Variants in DPF2 observed in about 807,000 individuals in gnomAD.
DPF2 encodes double PHD fingers 2, also known as zinc finger protein ubi-d4.
A neutral mutation model predicts 59.6 loss-of-function variants in DPF2; 10 were observed. The observed-to-expected ratio is 0.17, with a 90% CI of 0.10 to 0.28. The LOEUF is 0.28. Ranked by LOEUF, DPF2 falls within the 10% of genes least tolerant of loss-of-function variation. DPF2 has a pLI of 1.00. For synonymous variants in DPF2, 189 were observed against 190.6 expected (o/e 0.99, Z 0.07); for missense variants, 315 against 509.4 (o/e 0.62, Z 3.67).
chr11:65,334,201 C>G (rs889746239), intron 1 of DPF2, among the ~76,000 whole-genome samples: 1 of 152,194 alleles, frequency 6.6e-6, no homozygotes, highest in Non-Finnish European at 1.5e-5. Context: ...CAGAGCATGG[C>G]GCCCTGCCTG....
intron 10 of DPF2, 103 bp from the exon 11 acceptor site, chr11:65,351,580 T>G: frequency 1.0e-6 from 1 of 987,958 alleles, no homozygotes; most frequent in South Asian, 1.4e-5. Flanking sequence ...TCGTCCTACC[T>G]GTAGCTGATC....
chr11:65,341,068 A>G lies in DPF2; in HGVS notation c.296A>G (p.Lys99Arg). ...CCACGACTTTCCTTCCCATCTATTA[A>G]GCCAGGTAAGGCACATACTTCCTGA... ...EDPRLSFPSIKPDTDQTLKKE... is the reference protein window; with the variant it reads ...EDPRLSFPSIRPDTDQTLKKE... The change falls in exon 3 of 11, where the codon AAG becomes AGG. Residue 99 changes from lysine to arginine, a missense_variant. By Grantham distance (26) the Lys-to-Arg change is conservative. Coordinates refer to ENST00000528416, the MANE Select transcript of DPF2 (RefSeq NM_006268.5). 1 of 1,614,008 alleles carries G rather than the reference A, an allele frequency of 6.2e-7. No individual in the cohort carries two copies. Among genetic ancestry groups the G allele is most frequent in the Non-Finnish European group, 8.5e-7 (1 of 1,180,022 alleles).
chr11:65,345,848 G>C, intron 7 of DPF2, 45 bp downstream of exon 7: 7 of 1,613,486 alleles, frequency 4.3e-6, no homozygotes, highest in Non-Finnish European at 5.1e-6. Flanking sequence ...AAGTTGGCCT[G>C]GTTATGAAAA....
chr11:65,346,419 C>G, intron 9 of DPF2, 60 bp downstream of exon 9: 1 of 1,469,308 alleles, frequency 6.8e-7, no homozygotes, highest in South Asian at 1.2e-5. Flanking sequence ...GCTGTTTGCA[C>G]AGTTCCCTCT....
intron 7 of DPF2, 49 bp from the exon 8 acceptor site, chr11:65,345,881 G>C: frequency 1.2e-6 from 2 of 1,613,526 alleles, no homozygotes; most frequent in Non-Finnish European, 1.7e-6. Context: ...TGGGTGTTGA[G>C]TGGCTCAGGG....
intron 1 of DPF2, among the ~76,000 whole-genome samples, chr11:65,340,143 G>A (rs1854318372): frequency 6.6e-6 from 1 of 152,180 alleles, no homozygotes; most frequent in African/African-American, 2.4e-5. Flanking sequence ...ACTTAAGTCT[G>A]ATTAGACATA....
chr11:65,351,581 G>A, intron 10 of DPF2, 102 bp from the exon 11 acceptor site: 2 of 998,046 alleles, frequency 2.0e-6, no homozygotes, highest in South Asian at 2.7e-5. Flanking sequence ...CGTCCTACCT[G>A]TAGCTGATCC....
intron 10 of DPF2, among the ~76,000 whole-genome samples, chr11:65,351,166 T>A (rs1226263249): frequency 1.3e-5 from 2 of 152,166 alleles, no homozygotes; most frequent in Admixed American, 6.5e-5. Flanking sequence ...AGCCCTAGAA[T>A]AATGTCCAAA....
chr11:65,335,488 G>A (rs772792437), intron 1 of DPF2, among the ~76,000 whole-genome samples: 44 of 152,190 alleles, frequency 2.9e-4, no homozygotes, highest in Non-Finnish European at 5.1e-4. Context: ...TTCAAGTTGT[G>A]TCATAAGTGA....
Position 65,343,853 on chromosome 11 carries a change from G to A in DPF2, c.558+16G>A, listed in dbSNP as rs1377232114. On this transcript the variant is annotated intron_variant, in intron 5 of 10. Coordinates refer to ENST00000528416, the MANE Select transcript of DPF2 (RefSeq NM_006268.5). ...GAAATCCAAGGTGAGGGGCCAGCGT[G>A]CTGCCTGCATCTTGGGACAGGGTGG... The A allele has an allele frequency of 6.3e-7, 1 of 1,582,916 alleles. No homozygotes were observed. The highest frequency in any genetic ancestry group is 1.1e-5 in the South Asian group (1 of 87,608).
At chr11:65,343,015 C>T (rs1002668801) in intron 4 of DPF2, among the ~76,000 whole-genome samples, 6 of 148,884 alleles carry the variant, frequency 4.0e-5, no homozygotes, top group Non-Finnish European at 7.4e-5. Context: ...AAAAACTTCC[C>T]ATGGCCGGCC....
At chr11:65,350,705 T>C (rs1453658233) in intron 10 of DPF2, among the ~76,000 whole-genome samples, 2 of 150,642 alleles carry the variant, frequency 1.3e-5, no homozygotes, top group African/African-American at 4.9e-5. Flanking sequence ...CTTAAAAATA[T>C]AAAAACTGGC....
intron 1 of DPF2, among the ~76,000 whole-genome samples, chr11:65,336,523 G>T (rs1054840968): frequency 1.3e-5 from 2 of 151,966 alleles, no homozygotes; most frequent in South Asian, 4.2e-4. Context: ...TGGGCGCGGT[G>T]GCTCATGCCT....
At chr11:65,347,278 T>C (rs1854563276) in intron 9 of DPF2, 1 of 152,308 alleles carries the variant, frequency 6.6e-6, no homozygotes, top group East Asian at 1.9e-4. Flanking sequence ...CCTCCCAAAG[T>C]GCTGGGATTA....
In DPF2 at chr11:65,341,289, A is replaced by G. The variant is rs1854363365; in HGVS notation, c.302-110A>G. On this transcript the variant is annotated intron_variant, in intron 3 of 10. Transcript: ENST00000528416. ...AGGGTGTCTTAATTCCTGGGCGTGC[A>G]GAGAACAAAAGATAGTGACAGACCT... The G allele has an allele frequency of 2.0e-6, 3 of 1,491,094 alleles. No homozygotes were observed. In the African/African-American group the frequency reaches 4.2e-5, roughly 21 times the overall value. 92.4% of individuals were successfully genotyped at this position (1,491,094 alleles called of 1,614,324 possible).
intron 1 of DPF2, among the ~76,000 whole-genome samples, chr11:65,338,915 T>C (rs1372885371): frequency 2.0e-5 from 3 of 152,132 alleles, no homozygotes; most frequent in African/African-American, 7.2e-5. Flanking sequence ...AATCCTGATA[T>C]GTCAAAGCTC....
At chr11:65,337,504 T>TATATATATAG (rs1282367012) in intron 1 of DPF2, among the ~76,000 whole-genome samples, 8 of 21,394 alleles carry the variant, frequency 3.7e-4, no homozygotes, top group Non-Finnish European at 4.9e-4. Context: ...TATATATATA[T>TATATATATAG]AGAGAGAGAG....
rs1177020378 is a variant in DPF2, at chr11:65,340,531, G to A, written c.179G>A (p.Arg60Gln). Reference sequence around the variant, plus strand: ...AATTGTTACATCTGGATGGAAAAGCGACACCGGGGTCCAGGTGAGGGTCCA... The same window carrying A: ...AATTGTTACATCTGGATGGAAAAGCAACACCGGGGTCCAGGTGAGGGTCCA... ...QSNCYIWMEK[R>Q]HRGPGLASGQ... Residue 60 changes from arginine to glutamine, a missense_variant, in exon 2 of 11, where the codon CGA (arginine) becomes CAA (glutamine). Around this residue, in one of 4 missense-constraint regions of DPF2, gnomAD observed 228 missense variants for 275.3 expected, o/e 0.83. Coordinates refer to ENST00000528416, the MANE Select transcript of DPF2 (RefSeq NM_006268.5). The A allele has an allele frequency of 5.6e-6, 9 of 1,614,012 alleles. No homozygotes were observed. The highest frequency in any genetic ancestry group is 2.7e-5 in the African/African-American group (2 of 74,926).
At position 65,337,496 on chromosome 11, in the gene DPF2, TATATATATAG is replaced by T. The variant is rs60304778; in HGVS notation, c.33-2887_33-2878del. On this transcript the variant is annotated intron_variant, in intron 1 of 10. Transcript: ENST00000528416. ...AAAAATATATATATATATATATATA[TATATATATAG>T]AGAGAGAGAGAGAGAGAGAGAGAGA... Among the ~76,000 whole-genome samples the T allele has an allele frequency of 8.0e-3, 460 of 57,186 alleles. 4 individuals are homozygous for T. Among genetic ancestry groups the T allele is most frequent in the East Asian group, 0.017 (26 of 1,574 alleles). 37.5% of individuals were successfully genotyped at this position (57,186 alleles called of 152,430 possible).
Sources: allele counts gnomAD v4.1 joint callset (sites outside exome capture counted in the v4.1 genomes callset), GRCh38; gene constraint gnomAD v4.1.1; regional missense constraint gnomAD v4.1.1; transcripts MANE v1.5; gene names NCBI Gene and HGNC (gene_info 2026-07-23, HGNC 2026-07-21).